GPC6: variants seen among roughly 807,000 people sequenced by gnomAD.
GPC6 encodes glypican-6.
Under a neutral mutation model 55.2 loss-of-function variants are expected in GPC6, and 14 were observed. The observed-to-expected ratio is 0.25, with a 90% CI of 0.17 to 0.40. The LOEUF is 0.40. Among genes scored for constraint, GPC6 ranks in the 10% least tolerant of loss-of-function variants. The pLI is 1.00. For missense variants in GPC6, 641 were observed against 708.5 expected, an observed-to-expected ratio of 0.90 and a Z score of 1.08; for synonymous variants, 278 against 259.6, an observed-to-expected ratio of 1.07 and a Z score of -0.68.
At chr13:93,757,214 A>C (rs1256484763) in intron 2 of GPC6, among the ~76,000 whole-genome samples, 1 of 152,156 alleles carries the variant, frequency 6.6e-6, no homozygotes, top group Non-Finnish European at 1.5e-5. Flanking sequence ...AATACACATA[A>C]GCAGTGATTG....
intron 2 of GPC6, among the ~76,000 whole-genome samples, chr13:93,747,470 A>T (rs115179211): frequency 1.0e-3 from 159 of 152,274 alleles, no homozygotes; most frequent in African/African-American, 3.6e-3. Context: ...CAGCCTCATC[A>T]GAAGAGAGAG....
chr13:93,672,278 C>T (rs1881392806), intron 2 of GPC6, among the ~76,000 whole-genome samples: 1 of 149,674 alleles, frequency 6.7e-6, no homozygotes, highest in African/African-American at 2.5e-5. Context: ...AAGAGAAATT[C>T]CAAATGTATT....
In GPC6 at chr13:93,851,832, A is replaced by G. The variant is rs1161182514; in HGVS notation, c.711+21287A>G. Among the ~76,000 whole-genome samples, 3 of 151,772 alleles carry G rather than the reference A, an allele frequency of 2.0e-5. No individual in the cohort carries two copies. In the South Asian group the frequency reaches 6.2e-4, roughly 31 times the overall value. On this transcript the variant is annotated intron_variant, in intron 3 of 8. Transcript: ENST00000377047. Reference sequence around the variant, plus strand: ...TATATCCTTCTGCCACTTGTTACCTAGTGAAATTCTAGGTCACTGAGCTTC... The same window carrying G: ...TATATCCTTCTGCCACTTGTTACCTGGTGAAATTCTAGGTCACTGAGCTTC...
chr13:94,015,777 C>G (rs1168828910), intron 3 of GPC6, among the ~76,000 whole-genome samples: 1 of 152,130 alleles, frequency 6.6e-6, no homozygotes, highest in Non-Finnish European at 1.5e-5. Context: ...CTTGAATGGT[C>G]TTTGCACGCT....
intron 1 of GPC6, among the ~76,000 whole-genome samples, chr13:93,474,793 C>A (rs1055724073): frequency 6.6e-6 from 1 of 152,182 alleles, no homozygotes; most frequent in Non-Finnish European, 1.5e-5. Context: ...TCACTCCCAT[C>A]TTACCTGGGG....
At chr13:94,373,470 G>C (rs1879684077) in intron 6 of GPC6, among the ~76,000 whole-genome samples, 1 of 152,198 alleles carries the variant, frequency 6.6e-6, no homozygotes, top group Non-Finnish European at 1.5e-5. Flanking sequence ...ATCAGCAATG[G>C]AAGATGAAAT....
In GPC6 at chr13:93,545,363, G is replaced by A. The variant is rs199838856; in HGVS notation, c.261G>A (p.Val87=). The stretch of plus-strand genomic sequence containing the variant: ...GCAAACTCGAATTTGAAAACCTTGT[G>A]GAAGAGACAAGCCATTTTGTGCGCA... The part of the protein sequence containing the change: ...QQSKLEFENL[V]EETSHFVRTT... The change falls in exon 2 of 9, where the codon GTG becomes GTA. Residue 87 remains valine (V), a synonymous_variant. Transcript: ENST00000377047. The A allele has an allele frequency of 1.2e-6, 2 of 1,613,640 alleles. No individual in the cohort carries two copies. Among genetic ancestry groups the A allele is most frequent in the Non-Finnish European group, 1.7e-6 (2 of 1,179,710 alleles).
chr13:93,252,409 C>T (rs898665637), intron 1 of GPC6, among the ~76,000 whole-genome samples: 3 of 152,184 alleles, frequency 2.0e-5, no homozygotes, highest in African/African-American at 7.2e-5. Flanking sequence ...ACTTACTTTT[C>T]TTCCTGACTA....
At chr13:93,362,385 G>T (rs1323754369) in intron 1 of GPC6, among the ~76,000 whole-genome samples, 1 of 152,144 alleles carries the variant, frequency 6.6e-6, no homozygotes, top group Non-Finnish European at 1.5e-5. Context: ...TACCCATAAA[G>T]ACATTACCTG....
intron 5 of GPC6, among the ~76,000 whole-genome samples, chr13:94,297,940 A>G (rs1454914271): frequency 6.6e-6 from 1 of 152,126 alleles, no homozygotes; most frequent in Non-Finnish European, 1.5e-5. Context: ...ATGAGAGGAA[A>G]GGGAAGACAA....
intron 2 of GPC6, among the ~76,000 whole-genome samples, chr13:93,685,188 G>A (rs943100631): frequency 1.3e-5 from 2 of 152,106 alleles, no homozygotes; most frequent in African/African-American, 4.8e-5. Flanking sequence ...ATGGTCTGTG[G>A]TAGGCAGCAC....
At chr13:93,957,001 A>G (rs754705258) in intron 3 of GPC6, among the ~76,000 whole-genome samples, 3 of 152,182 alleles carry the variant, frequency 2.0e-5, no homozygotes, top group Non-Finnish European at 4.4e-5. Flanking sequence ...TTGATATGGT[A>G]TTCCCAAATT....
chr13:93,409,531 A>T (rs1168354102), intron 1 of GPC6, among the ~76,000 whole-genome samples: 1 of 152,180 alleles, frequency 6.6e-6, no homozygotes, highest in Non-Finnish European at 1.5e-5. Flanking sequence ...GCAAGTGTGT[A>T]CTGCTTCTCT....
intron 2 of GPC6, among the ~76,000 whole-genome samples, chr13:93,829,143 G>A (rs1006417623): frequency 6.6e-6 from 1 of 150,826 alleles, no homozygotes; most frequent in East Asian, 2.0e-4. Context: ...TTACTCTTGG[G>A]AACTTAGATT....
chr13:93,241,182 T>G (rs1876416238), intron 1 of GPC6, among the ~76,000 whole-genome samples: 1 of 152,202 alleles, frequency 6.6e-6, no homozygotes, highest in Admixed American at 6.5e-5. Context: ...ATGTTTAAAT[T>G]TCTATCAAGA....
intron 2 of GPC6, among the ~76,000 whole-genome samples, chr13:93,746,617 A>G (rs537886036): frequency 6.6e-6 from 1 of 152,296 alleles, no homozygotes; most frequent in East Asian, 1.9e-4. Context: ...CCACAAGCAA[A>G]AGAATATTGG....
intron 1 of GPC6, among the ~76,000 whole-genome samples, chr13:93,496,885 A>G (rs531938077): frequency 2.6e-5 from 4 of 152,362 alleles, no homozygotes; most frequent in South Asian, 4.1e-4. Flanking sequence ...AACATAATAT[A>G]TACAAGATTG....
At chr13:94,324,507 G>A (rs761443610) in intron 6 of GPC6, among the ~76,000 whole-genome samples, 3 of 152,066 alleles carry the variant, frequency 2.0e-5, no homozygotes, top group Non-Finnish European at 2.9e-5. Flanking sequence ...TCAGCGCTTC[G>A]AGAGTAGGTT....
chr13:94,251,140 G>C (rs1891335446), intron 4 of GPC6, among the ~76,000 whole-genome samples: 1 of 152,018 alleles, frequency 6.6e-6, no homozygotes, highest in Non-Finnish European at 1.5e-5. Context: ...AAAGGAATGA[G>C]GTCATGTCCT....
Sources: allele counts gnomAD v4.1 joint callset (sites outside exome capture counted in the v4.1 genomes callset), GRCh38; gene constraint gnomAD v4.1.1; transcripts MANE v1.5; gene names NCBI Gene and HGNC (gene_info 2026-07-23, HGNC 2026-07-21).